RNF175: variants seen among roughly 807,000 people sequenced by gnomAD.
The protein encoded by RNF175 is ring finger protein 175.
In RNF175, 38 loss-of-function variants were observed where a neutral mutation model predicts 50.0. The observed-to-expected ratio is 0.76, with a 90% CI of 0.59 to 1.00. RNF175 has a LOEUF of 1.00. Ranked by LOEUF, RNF175 falls within the 50% of genes least tolerant of loss-of-function variation. RNF175 has a pLI of 0.00. For synonymous variants in RNF175, 155 were observed against 146.1 expected (o/e 1.06, Z -0.44); for missense variants, 388 against 409.6 (o/e 0.95, Z 0.46).
rs201556489 is a variant in RNF175, at chr4:153,748,677, G to A, written c.214C>T (p.Gln72Ter). The A allele has an allele frequency of 1.5e-5, 24 of 1,602,376 alleles. No homozygotes were observed. The African/African-American group carries it at 3.2e-4, about 21-fold the overall frequency. The change falls in exon 3 of 9, where the codon CAG (glutamine) becomes TAG (stop). Residue 72 changes from glutamine (Q) to a stop codon, truncating the protein, a stop_gained. Transcript: ENST00000347063. LOFTEE classifies it high-confidence loss of function. ...VLVIAQIVLVQWRQRHGRSYN... is the reference protein window; with the variant it reads ...VLVIAQIVLV ...GATCGGCCATGCCTCTGTCTCCACTGAACCAGCACTATCTGGGCAATGACC... is the reference window on the plus strand; with the variant it reads ...GATCGGCCATGCCTCTGTCTCCACTAAACCAGCACTATCTGGGCAATGACC...
chr4:153,750,133 A>G (rs1663606813), intron 2 of RNF175, among the ~76,000 whole-genome samples: 1 of 152,200 alleles, frequency 6.6e-6, no homozygotes, highest in South Asian at 2.1e-4. Context: ...GTTACTTTCT[A>G]AATACTGGTT....
At chr4:153,753,058 G>A (rs545399527) in intron 1 of RNF175, among the ~76,000 whole-genome samples, 1 of 152,226 alleles carries the variant, frequency 6.6e-6, no homozygotes, top group East Asian at 1.9e-4. Flanking sequence ...CAAGTCCAAG[G>A]AGAATGAGAG....
At chr4:153,726,214 C>T (rs1398753003) in intron 4 of RNF175, among the ~76,000 whole-genome samples, 1 of 152,110 alleles carries the variant, frequency 6.6e-6, no homozygotes, top group African/African-American at 2.4e-5. Flanking sequence ...AAGTGATTCT[C>T]CTGCCTCAGC....
intron 6 of RNF175, among the ~76,000 whole-genome samples, chr4:153,716,571 G>T (rs1737943059): frequency 6.6e-6 from 1 of 151,708 alleles, no homozygotes; most frequent in East Asian, 1.9e-4. Flanking sequence ...TTTTTCCAAA[G>T]AAAATTATTT....
intron 3 of RNF175, chr4:153,729,884 A>G: frequency 1.5e-6 from 1 of 645,492 alleles, no homozygotes; most frequent in Non-Finnish European, 1.8e-6. Context: ...GAATACTTTC[A>G]GGGAAAAAAA....
At chr4:153,732,105 G>A (rs934097055) in intron 3 of RNF175, among the ~76,000 whole-genome samples, 7 of 152,038 alleles carry the variant, frequency 4.6e-5, no homozygotes, top group African/African-American at 1.7e-4. Context: ...GGTGGCACAC[G>A]CCTGGAATCC....
intron 3 of RNF175, among the ~76,000 whole-genome samples, chr4:153,732,915 C>T (rs2251997): frequency 0.18 from 26,908 of 152,236 alleles, 3,094 homozygotes; most frequent in Non-Finnish European, 0.25. Context: ...AATGCGACTA[C>T]TTGAAAACAT....
At chr4:153,751,590 T>C in intron 1 of RNF175, 115 bp from the exon 2 acceptor site, 2 of 716,998 alleles carry the variant, frequency 2.8e-6, no homozygotes, top group Non-Finnish European at 4.7e-6. Flanking sequence ...ACATAGTATT[T>C]GAATAATTTG....
At chr4:153,739,401 C>T (rs749151037) in intron 3 of RNF175, among the ~76,000 whole-genome samples, 5 of 151,974 alleles carry the variant, frequency 3.3e-5, no homozygotes, top group South Asian at 2.1e-4. Context: ...AGCGACAGAG[C>T]GAGACTCTGT....
chr4:153,721,253 C>G (rs1442901250), intron 5 of RNF175: 3 of 152,020 alleles, frequency 2.0e-5, no homozygotes, highest in South Asian at 2.1e-4. Context: ...TTGGTTTGCT[C>G]TATCTATAAA....
intron 1 of RNF175, among the ~76,000 whole-genome samples, chr4:153,757,335 T>A (rs1740615551): frequency 6.6e-6 from 1 of 152,204 alleles, no homozygotes; most frequent in South Asian, 2.1e-4. Context: ...CATGGCACAC[T>A]CAATGTGTTT....
At chr4:153,754,571 A>C (rs1740470753) in intron 1 of RNF175, among the ~76,000 whole-genome samples, 1 of 152,184 alleles carries the variant, frequency 6.6e-6, no homozygotes, top group African/African-American at 2.4e-5. Flanking sequence ...TTTGAGTCCT[A>C]ACCCCCAGTA....
intron 3 of RNF175, among the ~76,000 whole-genome samples, chr4:153,744,557 G>C (rs768895510): frequency 1.3e-5 from 2 of 152,096 alleles, no homozygotes; most frequent in Non-Finnish European, 2.9e-5. Flanking sequence ...TATTACTATG[G>C]AAAAAGAACA....
At chr4:153,728,954 T>C (rs4426759) in intron 3 of RNF175, among the ~76,000 whole-genome samples, 73,273 of 152,016 alleles carry the variant, frequency 0.48, 17,997 homozygotes, top group Admixed American at 0.52. Context: ...CATAAACCTT[T>C]TGTGATCTGT....
intron 3 of RNF175, among the ~76,000 whole-genome samples, chr4:153,741,456 A>T (rs1406236185): frequency 6.6e-6 from 1 of 152,182 alleles, no homozygotes; most frequent in Non-Finnish European, 1.5e-5. Flanking sequence ...TCTCACTCTC[A>T]CACTACTCTA....
chr4:153,726,073 A>ATGTGTGTGTG (rs10592509), intron 4 of RNF175, among the ~76,000 whole-genome samples: 10 of 149,040 alleles, frequency 6.7e-5, no homozygotes, highest in African/African-American at 2.5e-4. Flanking sequence ...TAGTGTGTGT[A>ATGTGTGTGTG]TGTGTGTGTG....
chr4:153,746,016 C>T (rs1011798367), intron 3 of RNF175, among the ~76,000 whole-genome samples: 2 of 152,198 alleles, frequency 1.3e-5, no homozygotes, highest in African/African-American at 2.4e-5. Flanking sequence ...ATCCCAATTG[C>T]CCCTAGGTCT....
Position 153,720,320 on chromosome 4 carries a change from G to T in RNF175, c.510-16C>A, listed in dbSNP as rs1006585029. ...AGCTTTGATTCTATTGAAAACAACA[G>T]TATAAGGAAATAAGAATGTGGCATA... On this transcript the variant is annotated splice_polypyrimidine_tract_variant and intron_variant, in intron 5 of 8. Coordinates refer to ENST00000347063, the MANE Select transcript of RNF175 (RefSeq NM_173662.4). 2 of 1,610,434 alleles carry T rather than the reference G, an allele frequency of 1.2e-6. No homozygotes were observed. The highest frequency in any genetic ancestry group is 1.7e-6 in the Non-Finnish European group (2 of 1,176,910).
intron 1 of RNF175, among the ~76,000 whole-genome samples, chr4:153,757,920 G>A (rs1319247199): frequency 1.3e-5 from 2 of 152,090 alleles, no homozygotes; most frequent in Non-Finnish European, 2.9e-5. Flanking sequence ...AAGATTGTAC[G>A]TTACTGTTCA....
Sources: allele counts gnomAD v4.1 joint callset (sites outside exome capture counted in the v4.1 genomes callset), GRCh38; gene constraint gnomAD v4.1.1; transcripts MANE v1.5; gene names NCBI Gene and HGNC (gene_info 2026-07-23, HGNC 2026-07-21).